The following PTCHD4 variants were observed in gnomAD, a reference collection of about 807,000 sequenced individuals.
The protein encoded by PTCHD4 is patched domain containing 4.
PTCHD4 carries 33 observed loss-of-function variants against 58.1 expected under a neutral mutation model. The ratio of observed to expected loss-of-function variants is 0.57; its 90% confidence interval spans 0.43 to 0.76. PTCHD4 has a LOEUF of 0.76. Among genes scored for constraint, PTCHD4 ranks in the 30% least tolerant of loss-of-function variants. The probability of loss-of-function intolerance (pLI) is 0.00; values close to 1 mark genes in which losing one functional copy is unlikely to be tolerated. For synonymous variants in PTCHD4, 478 were observed against 409.6 expected (o/e 1.17, Z -2.02); for missense variants, 1,058 against 1,027.1 (o/e 1.03, Z -0.41).
rs1251656506 is a variant in PTCHD4 at position 48,069,920 on chromosome 6, G to T, written c.-963C>A. Among the ~76,000 whole-genome samples the T allele has an allele frequency of 6.6e-6, 1 of 151,876 alleles. No homozygotes were observed. The highest frequency in any genetic ancestry group is 1.5e-5 in the Non-Finnish European group (1 of 67,988). On this transcript the variant is annotated 5_prime_UTR_variant, in exon 2 of 5. Transcript: ENST00000339488. ...CAGACACTTCCAGACACACCAGGTA[G>T]TTTTGCCTGAAAAAAAAGAGAGTCG...
At chr6:48,108,444 G>T (rs1004675894) in intron 1 of PTCHD4, among the ~76,000 whole-genome samples, 2 of 152,122 alleles carry the variant, frequency 1.3e-5, no homozygotes, top group African/African-American at 4.8e-5. Context: ...ACACACCAGG[G>T]ACTGTTGTGG....
intron 1 of PTCHD4, among the ~76,000 whole-genome samples, chr6:48,078,690 T>G (rs2113891140): frequency 6.6e-6 from 1 of 152,330 alleles, no homozygotes; most frequent in Admixed American, 6.5e-5. Context: ...CTTCTTCCTT[T>G]TTTACCTTTC....
At chr6:48,050,722 A>G (rs1764203419) in intron 3 of PTCHD4, among the ~76,000 whole-genome samples, 1 of 152,058 alleles carries the variant, frequency 6.6e-6, no homozygotes, top group South Asian at 2.1e-4. Context: ...ATAGATCCAT[A>G]TCAGATGAGA....
chr6:47,996,896 T>C (rs1768511754), intron 4 of PTCHD4, among the ~76,000 whole-genome samples: 1 of 152,170 alleles, frequency 6.6e-6, no homozygotes, highest in African/African-American at 2.4e-5. Context: ...GTATAACACT[T>C]TTCTAAAAAA....
At chr6:48,108,203 A>G (rs1439165988) in intron 1 of PTCHD4, among the ~76,000 whole-genome samples, 3 of 152,224 alleles carry the variant, frequency 2.0e-5, no homozygotes, top group African/African-American at 2.4e-5. Flanking sequence ...AACCAACCCA[A>G]ATGTCCAACA....
intron 4 of PTCHD4, among the ~76,000 whole-genome samples, chr6:47,934,639 A>T (rs1487787603): frequency 6.6e-6 from 1 of 151,990 alleles, no homozygotes; most frequent in Non-Finnish European, 1.5e-5. Context: ...TTTTCCTTAG[A>T]CTCCTAGAAC....
chr6:48,087,041 G>T (rs1765279260), intron 1 of PTCHD4, among the ~76,000 whole-genome samples: 1 of 152,130 alleles, frequency 6.6e-6, no homozygotes. Flanking sequence ...TTAAAACACT[G>T]ACATGGTAGA....
intron 4 of PTCHD4, among the ~76,000 whole-genome samples, chr6:47,965,348 T>C (rs893934944): frequency 3.9e-5 from 6 of 152,340 alleles, no homozygotes; most frequent in Admixed American, 3.9e-4. Flanking sequence ...TTGCACTTTG[T>C]AGCTCTGTTG....
At chr6:48,077,089 G>A (rs1204226116) in intron 1 of PTCHD4, among the ~76,000 whole-genome samples, 1 of 152,182 alleles carries the variant, frequency 6.6e-6, no homozygotes, top group African/African-American at 2.4e-5. Context: ...TATTTTGAAA[G>A]GACTCTTTTT....
chr6:47,890,529 G>A (rs1023296402), intron 4 of PTCHD4, among the ~76,000 whole-genome samples: 11 of 152,276 alleles, frequency 7.2e-5, no homozygotes, highest in South Asian at 2.1e-4. Context: ...ATTGTTAGGC[G>A]TTTTAGATAA....
In PTCHD4 at chr6:48,054,080, A is replaced by T. The variant is rs1005539215; in HGVS notation, c.417+14150T>A. Among the ~76,000 whole-genome samples, 4 of 152,158 alleles carry T rather than the reference A, an allele frequency of 2.6e-5. No homozygotes were observed. The East Asian group carries it at 7.7e-4, about 29-fold the overall frequency. ...CGCTATCCACTGGAATCATTCAAGG[A>T]TCTTGAAAAACACCAATGCTTGGGT... On this transcript the variant is annotated intron_variant, in intron 3 of 4. Transcript: ENST00000339488.
At chr6:48,044,708 A>T (rs1763972953) in intron 3 of PTCHD4, among the ~76,000 whole-genome samples, 1 of 151,804 alleles carries the variant, frequency 6.6e-6, no homozygotes, top group African/African-American at 2.4e-5. Context: ...GTATGCTCCA[A>T]TTTTATTTAT....
chr6:48,005,528 G>A (rs1017573744), intron 4 of PTCHD4, among the ~76,000 whole-genome samples: 7 of 152,090 alleles, frequency 4.6e-5, no homozygotes, highest in African/African-American at 1.7e-4. Flanking sequence ...TATATATGTG[G>A]CAAACACAAC....
At chr6:48,091,403 C>G (rs997794217) in intron 1 of PTCHD4, among the ~76,000 whole-genome samples, 1 of 151,528 alleles carries the variant, frequency 6.6e-6, no homozygotes, top group Admixed American at 6.6e-5. Context: ...ATATTTAGGC[C>G]CCACCCAGAC....
chr6:48,094,875 A>AT (rs1765431375), intron 1 of PTCHD4, among the ~76,000 whole-genome samples: 1 of 152,250 alleles, frequency 6.6e-6, no homozygotes, highest in African/African-American at 2.4e-5. Context: ...AAATAATTAA[A>AT]TTGAGTGAAA....
chr6:47,987,297 A>G (rs1768101600), intron 4 of PTCHD4, among the ~76,000 whole-genome samples: 1 of 151,044 alleles, frequency 6.6e-6, no homozygotes, highest in Non-Finnish European at 1.5e-5. Flanking sequence ...TAGGAGATAT[A>G]CCCAATGCTA....
intron 4 of PTCHD4, among the ~76,000 whole-genome samples, chr6:47,947,132 G>A (rs1265808103): frequency 1.3e-5 from 2 of 151,966 alleles, no homozygotes; most frequent in African/African-American, 4.8e-5. Flanking sequence ...ACCATGCTTG[G>A]CCCTATTTCT....
intron 4 of PTCHD4, among the ~76,000 whole-genome samples, chr6:47,888,108 A>G (rs1314478799): frequency 1.3e-5 from 2 of 152,240 alleles, no homozygotes; most frequent in African/African-American, 4.8e-5. Context: ...CTGTAATCCC[A>G]GTACTTTGGG....
chr6:48,006,883 C>T (rs545446303), intron 4 of PTCHD4, among the ~76,000 whole-genome samples: 1 of 152,212 alleles, frequency 6.6e-6, no homozygotes, highest in African/African-American at 2.4e-5. Context: ...ATTTTTCAAA[C>T]CTAGTTTTTG....
Sources: allele counts gnomAD v4.1 joint callset (sites outside exome capture counted in the v4.1 genomes callset), GRCh38; gene constraint gnomAD v4.1.1; transcripts MANE v1.5; gene names NCBI Gene and HGNC (gene_info 2026-07-23, HGNC 2026-07-21).